Variants in C12orf75 observed in about 807,000 individuals in gnomAD.
C12orf75 encodes the protein overexpressed in colon carcinoma 1 protein.
Under a neutral mutation model 11.4 loss-of-function variants are expected in C12orf75, and 4 were observed. The observed-to-expected ratio is 0.35, with a 90% CI of 0.17 to 0.80. C12orf75 has a LOEUF of 0.80. Ranked by LOEUF, C12orf75 falls within the 30% of genes least tolerant of loss-of-function variation. C12orf75 has a pLI of 0.52. For missense variants in C12orf75, 89 were observed against 80.4 expected (o/e 1.11, Z -0.41); for synonymous variants, 30 against 30.0 (o/e 1.00, Z 0.00).
At chr12:105,362,535 C>T (rs753464074) in intron 2 of C12orf75, among the ~76,000 whole-genome samples, 56 of 150,796 alleles carry the variant, frequency 3.7e-4, no homozygotes, top group Non-Finnish European at 7.5e-4. Flanking sequence ...GGTGTGGTGG[C>T]GGGTGCCTGT....
intron 1 of C12orf75, among the ~76,000 whole-genome samples, chr12:105,346,040 CCTTAT>C (rs1381216208): frequency 6.6e-6 from 1 of 152,044 alleles, no homozygotes. Flanking sequence ...CTCCAAAATC[CCTTAT>C]CTTAACTCAA....
chr12:105,350,733 T>C (rs1892703108), intron 2 of C12orf75, among the ~76,000 whole-genome samples: 1 of 152,220 alleles, frequency 6.6e-6, no homozygotes, highest in Non-Finnish European at 1.5e-5. Flanking sequence ...GCTCTAGAGT[T>C]ATTCATGTCA....
At chr12:105,336,958 G>A (rs75042271) in intron 1 of C12orf75, among the ~76,000 whole-genome samples, 1 of 152,254 alleles carries the variant, frequency 6.6e-6, no homozygotes, top group Non-Finnish European at 1.5e-5. Flanking sequence ...AGAATTGATG[G>A]CATCCAAAGC....
At chr12:105,333,117 AG>A (rs142390136) in intron 1 of C12orf75, among the ~76,000 whole-genome samples, 2,959 of 152,278 alleles carry the variant, frequency 0.019, 38 homozygotes, top group Middle Eastern at 0.031. Flanking sequence ...CATGATGAGC[AG>A]GGAGTTATTG....
chr12:105,343,109 A>G (rs1011738027), intron 1 of C12orf75, among the ~76,000 whole-genome samples: 1 of 152,140 alleles, frequency 6.6e-6, no homozygotes, highest in African/African-American at 2.4e-5. Context: ...TCCCCTCTCC[A>G]TTTTTAGGAA....
chr12:105,336,743 CTG>C (rs1892503811), intron 1 of C12orf75, among the ~76,000 whole-genome samples: 1 of 152,096 alleles, frequency 6.6e-6, no homozygotes, highest in Admixed American at 6.5e-5. Context: ...AAAAATTAAA[CTG>C]TTAGAGCCTG....
In C12orf75 at chr12:105,370,698, A is replaced by G. The variant is rs1183019845; in HGVS notation, c.*98A>G. 5.2e-5 allele frequency: 24 copies of G among 457,514 alleles called. No individual in the cohort carries two copies. The highest frequency in any genetic ancestry group is 5.2e-4 in the Admixed American group (22 of 42,556). The allele number at this position is 457,514 out of a possible 1,614,324, so 28.3% of individuals were successfully genotyped here. ...GTTGTAATGTGCACAGACATTTCCA[A>G]GGAAATTCTAAACAGTCACCCTTCC... is the stretch of plus-strand genomic sequence containing the variant. On this transcript the variant is annotated 3_prime_UTR_variant, in exon 6 of 6. Transcript: ENST00000443585.
intron 1 of C12orf75, among the ~76,000 whole-genome samples, chr12:105,333,286 A>G (rs941158339): frequency 2.0e-5 from 3 of 152,236 alleles, no homozygotes; most frequent in African/African-American, 7.2e-5. Context: ...GAGGAAATAC[A>G]TCAGGATGAG....
At chr12:105,343,263 T>C (rs1892595544) in intron 1 of C12orf75, among the ~76,000 whole-genome samples, 1 of 152,252 alleles carries the variant, frequency 6.6e-6, no homozygotes. Flanking sequence ...TTACCTTTTT[T>C]TCATTTCTAC....
intron 2 of C12orf75, among the ~76,000 whole-genome samples, chr12:105,358,270 A>C (rs1892812881): frequency 2.0e-5 from 3 of 152,156 alleles, no homozygotes; most frequent in African/African-American, 7.2e-5. Flanking sequence ...AGTCCCAGCC[A>C]CTCAGGAGGC....
intron 1 of C12orf75, 127 bp from the exon 2 acceptor site, chr12:105,348,475 G>C: frequency 2.0e-6 from 1 of 488,894 alleles, no homozygotes; most frequent in South Asian, 6.6e-5. Context: ...TCCTTTCTCT[G>C]TTTTTGAAAA....
At chr12:105,366,050 A>G (rs1437637741) in intron 3 of C12orf75, 12 of 593,660 alleles carry the variant, frequency 2.0e-5, no homozygotes, top group East Asian at 1.1e-4. Context: ...TTTTTGTCCT[A>G]TGCATGTGGC....
At chr12:105,362,940 A>C (rs1056831121) in intron 2 of C12orf75, among the ~76,000 whole-genome samples, 45 of 152,376 alleles carry the variant, frequency 3.0e-4, no homozygotes, top group Admixed American at 2.0e-4. Flanking sequence ...ATAGTTACAC[A>C]ATCAGGTTGA....
intron 2 of C12orf75, among the ~76,000 whole-genome samples, chr12:105,363,774 AT>A (rs931462737): frequency 6.6e-6 from 1 of 151,674 alleles, no homozygotes; most frequent in Non-Finnish European, 1.5e-5. Context: ...TATAGGTAGT[AT>A]TTTTTTTAAG....
chr12:105,368,284 T>C (rs1011198333), intron 5 of C12orf75, among the ~76,000 whole-genome samples: 5 of 152,202 alleles, frequency 3.3e-5, no homozygotes, highest in African/African-American at 1.2e-4. Context: ...CTCTCCACTG[T>C]ATTTCACTCC....
intron 1 of C12orf75, among the ~76,000 whole-genome samples, chr12:105,346,831 T>G (rs953926461): frequency 6.6e-6 from 1 of 152,248 alleles, no homozygotes; most frequent in Admixed American, 6.5e-5. Flanking sequence ...TAGCACATCT[T>G]CCTTTATTTT....
chr12:105,367,106 G>T (rs1417577715), intron 4 of C12orf75, among the ~76,000 whole-genome samples: 1 of 152,084 alleles, frequency 6.6e-6, no homozygotes, highest in African/African-American at 2.4e-5. Flanking sequence ...ATGAAATGAG[G>T]CTTCATTTTC....
At chr12:105,368,848 G>C (rs1219959744) in intron 5 of C12orf75, among the ~76,000 whole-genome samples, 1 of 152,124 alleles carries the variant, frequency 6.6e-6, no homozygotes, top group Non-Finnish European at 1.5e-5. Context: ...TTATCCCCTC[G>C]TACCCATGAA....
chr12:105,364,239 C>T (rs1871390054), intron 2 of C12orf75, among the ~76,000 whole-genome samples: 1 of 152,162 alleles, frequency 6.6e-6, no homozygotes, highest in Non-Finnish European at 1.5e-5. Context: ...GATTATAAAT[C>T]CATTTTAATT....
Sources: allele counts gnomAD v4.1 joint callset (sites outside exome capture counted in the v4.1 genomes callset), GRCh38; gene constraint gnomAD v4.1.1; transcripts MANE v1.5; gene names NCBI Gene and HGNC (gene_info 2026-07-23, HGNC 2026-07-21).